The following CLTB variants were observed in gnomAD, a reference collection of about 807,000 sequenced individuals.
CLTB encodes the protein clathrin, light chain (Lcb).
CLTB carries 10 observed loss-of-function variants against 30.5 expected under a neutral mutation model. The observed-to-expected ratio is 0.33, with a 90% CI of 0.20 to 0.56. CLTB has a LOEUF of 0.56. CLTB is among the 20% of genes least tolerant of loss of function. CLTB has a pLI of 0.91. For synonymous variants in CLTB, 102 were observed against 120.3 expected, an observed-to-expected ratio of 0.85 and a Z score of 1.00; for missense variants, 261 against 308.3, an observed-to-expected ratio of 0.85 and a Z score of 1.15.
rs1297040855 is a variant in CLTB, at chr5:176,416,445, C to T, written c.-82G>A. 6.3e-5 allele frequency: 75 copies of T among 1,199,300 alleles called. No individual in the cohort carries two copies. Among genetic ancestry groups the T allele is most frequent in the Middle Eastern group, 2.6e-4 (1 of 3,890 alleles). The allele number at this position is 1,199,300 out of a possible 1,614,324, so 74.3% of individuals were successfully genotyped here. A position where few individuals can be genotyped will look rare whatever the true frequency, so the allele number is the denominator to read the frequency against. ...CGCGCTGCGTCCGGCGGCCGCGACGCTGTCACCCGAGCCGCGGGGGAGCCG... is the reference window on the plus strand; with the variant it reads ...CGCGCTGCGTCCGGCGGCCGCGACGTTGTCACCCGAGCCGCGGGGGAGCCG... On this transcript the variant is annotated 5_prime_UTR_variant, in exon 1 of 6. Coordinates refer to ENST00000310418, the MANE Select transcript of CLTB (RefSeq NM_007097.5).
chr5:176,396,183 A>AGAGG (rs1389250425), intron 5 of CLTB, among the ~76,000 whole-genome samples: 1 of 152,108 alleles, frequency 6.6e-6, no homozygotes, highest in Non-Finnish European at 1.5e-5. Context: ...GAGACATCAC[A>AGAGG]GAGGGAGGGA....
intron 2 of CLTB, among the ~76,000 whole-genome samples, chr5:176,404,007 A>G (rs1203937995): frequency 6.6e-6 from 1 of 151,972 alleles, no homozygotes; most frequent in South Asian, 2.1e-4. Context: ...TGCCTGCCTC[A>G]GCCTCCCAAA....
chr5:176,407,365 T>C (rs992172032), intron 2 of CLTB, among the ~76,000 whole-genome samples: 3 of 152,200 alleles, frequency 2.0e-5, no homozygotes, highest in East Asian at 1.9e-4. Context: ...GAGTGCAGTG[T>C]GCGATCTCAG....
At chr5:176,398,637 G>A (rs1240871434) in intron 2 of CLTB, among the ~76,000 whole-genome samples, 3 of 150,696 alleles carry the variant, frequency 2.0e-5, no homozygotes, top group South Asian at 2.1e-4. Context: ...ACTTGAACCC[G>A]GGAGGCAGAG....
At chr5:176,401,717 T>C (rs1009796909) in intron 2 of CLTB, 8 of 456,174 alleles carry the variant, frequency 1.8e-5, no homozygotes, top group Non-Finnish European at 3.1e-5. Flanking sequence ...AAACCTCCTT[T>C]GCTTTCTTGG....
intron 1 of CLTB, among the ~76,000 whole-genome samples, chr5:176,414,432 CTTTTT>C (rs59452988): frequency 7.4e-6 from 1 of 134,708 alleles, no homozygotes; most frequent in African/African-American, 2.8e-5. Context: ...GCTATAGAAT[CTTTTT>C]TTTTTTTTTT....
chr5:176,399,845 T>C (rs1430284389), intron 2 of CLTB, among the ~76,000 whole-genome samples: 1 of 147,176 alleles, frequency 6.8e-6, no homozygotes, highest in Admixed American at 7.0e-5. Flanking sequence ...GCCACTGCAC[T>C]CCAGCCTGGG....
At chr5:176,407,236 C>T (rs1193233061) in intron 2 of CLTB, among the ~76,000 whole-genome samples, 1 of 152,172 alleles carries the variant, frequency 6.6e-6, no homozygotes, top group Non-Finnish European at 1.5e-5. Context: ...ACTTTGCATT[C>T]ACCACTTCAC....
At chr5:176,394,615 G>C (rs58339606) in intron 5 of CLTB, among the ~76,000 whole-genome samples, 24,263 of 151,512 alleles carry the variant, frequency 0.16, 1,997 homozygotes, top group Admixed American at 0.19. Context: ...CAGATGGAGA[G>C]CATCCTGGCT....
At chr5:176,398,528 T>C (rs1334233839) in intron 2 of CLTB, among the ~76,000 whole-genome samples, 1 of 151,842 alleles carries the variant, frequency 6.6e-6, no homozygotes, top group Non-Finnish European at 1.5e-5. Flanking sequence ...CTGACCAACA[T>C]GGAGAAATCC....
chr5:176,406,538 T>C, intron 2 of CLTB: 1 of 1,269,458 alleles, frequency 7.9e-7, no homozygotes, highest in African/African-American at 1.5e-5. Context: ...GATGGGAGTA[T>C]TAGGGGAAAG....
intron 2 of CLTB, among the ~76,000 whole-genome samples, chr5:176,407,216 T>C (rs2113668112): frequency 6.6e-6 from 1 of 152,282 alleles, no homozygotes; most frequent in Admixed American, 6.5e-5. Context: ...AGTGGCTGAT[T>C]TCCTGGGTGA....
intron 1 of CLTB, among the ~76,000 whole-genome samples, chr5:176,414,433 T>A: frequency 2.4e-5 from 1 of 41,414 alleles, no homozygotes; most frequent in East Asian, 8.4e-4. Context: ...CTATAGAATC[T>A]TTTTTTTTTT....
chr5:176,405,726 C>T (rs1303854652), intron 2 of CLTB: 4 of 152,082 alleles, frequency 2.6e-5, no homozygotes, highest in Non-Finnish European at 5.9e-5. Flanking sequence ...GCGCTGGACA[C>T]TCCATCAGAG....
At chr5:176,398,165 A>C in intron 2 of CLTB, 118 bp from the exon 3 acceptor site, 1 of 824,076 alleles carries the variant, frequency 1.2e-6, no homozygotes, top group East Asian at 2.5e-5. Flanking sequence ...CCTCATACCC[A>C]CTGTCTCTGG....
intron 2 of CLTB, chr5:176,406,144 C>G (rs1297152180): frequency 1.0e-6 from 1 of 986,526 alleles, no homozygotes; most frequent in Non-Finnish European, 1.2e-6. Context: ...CAACTGGGCT[C>G]TCGTTTAATC....
chr5:176,395,513 G>A (rs1194604811), intron 5 of CLTB, among the ~76,000 whole-genome samples: 9 of 152,184 alleles, frequency 5.9e-5, no homozygotes, highest in African/African-American at 1.7e-4. Context: ...GACACATGAC[G>A]GGCTGCCAGG....
chr5:176,396,599 A>G, intron 4 of CLTB, 67 bp from the exon 5 acceptor site: 1 of 1,099,778 alleles, frequency 9.1e-7, no homozygotes, highest in East Asian at 2.4e-5. Flanking sequence ...ACAGGCAGGC[A>G]GAAGGTTAGA....
intron 2 of CLTB, 82 bp downstream of exon 2, chr5:176,410,175 G>A (rs1187638478): frequency 9.1e-6 from 11 of 1,206,404 alleles, no homozygotes; most frequent in Middle Eastern, 1.9e-4. Context: ...ACCTGGAGCT[G>A]TAAGCCTACA....
Sources: allele counts gnomAD v4.1 joint callset (sites outside exome capture counted in the v4.1 genomes callset), GRCh38; gene constraint gnomAD v4.1.1; transcripts MANE v1.5; gene names NCBI Gene and HGNC (gene_info 2026-07-23, HGNC 2026-07-21).